Variants in SNX14 observed in about 807,000 individuals in gnomAD.
SNX14 encodes the protein sorting nexin 14, also known as sorting nexin-14.
Under a neutral mutation model 133.8 loss-of-function variants are expected in SNX14, and 93 were observed. The ratio of observed to expected loss-of-function variants is 0.70; its 90% CI spans 0.59 to 0.83. The LOEUF is 0.83. Ranked by LOEUF, SNX14 falls within the 40% of genes least tolerant of loss-of-function variation. SNX14 has a pLI of 0.00. For missense variants in SNX14, 945 were observed against 1,094.9 expected, an observed-to-expected ratio of 0.86 and a Z score of 1.93; for synonymous variants, 368 against 365.6, an observed-to-expected ratio of 1.01 and a Z score of -0.07.
At chr6:85,507,494 T>C (rs1462305689) in intron 27 of SNX14, among the ~76,000 whole-genome samples, 1 of 152,164 alleles carries the variant, frequency 6.6e-6, no homozygotes, top group Non-Finnish European at 1.5e-5. Context: ...ACACATGTGT[T>C]TGCATGAGGA....
At chr6:85,566,701 G>T (rs1446355762) in intron 5 of SNX14, among the ~76,000 whole-genome samples, 1 of 138,822 alleles carries the variant, frequency 7.2e-6, no homozygotes, top group African/African-American at 2.7e-5. Context: ...CCATCTCAAA[G>T]AAAAAAAAAA....
chr6:85,563,103 A>AT (rs1237321307), intron 6 of SNX14, among the ~76,000 whole-genome samples: 1 of 152,088 alleles, frequency 6.6e-6, no homozygotes, highest in East Asian at 1.9e-4. Context: ...TTCATTGGCC[A>AT]TTTTGTATCT....
At chr6:85,589,791 C>T (rs1802241023) in intron 1 of SNX14, 1 of 152,242 alleles carries the variant, frequency 6.6e-6, no homozygotes, top group Non-Finnish European at 1.5e-5. Flanking sequence ...AGTCTGATGG[C>T]TTTTACGGCT....
chr6:85,510,905 C>G (rs916314612), intron 26 of SNX14, among the ~76,000 whole-genome samples: 2 of 152,190 alleles, frequency 1.3e-5, no homozygotes, highest in Non-Finnish European at 2.9e-5. Flanking sequence ...GTTGGCTATT[C>G]TGGGTCTTTT....
At chr6:85,532,074 T>G (rs985377411) in intron 18 of SNX14, among the ~76,000 whole-genome samples, 13 of 152,210 alleles carry the variant, frequency 8.5e-5, no homozygotes, top group African/African-American at 2.9e-4. Flanking sequence ...AGTTTTAAGA[T>G]TTTTTGGTTT....
At position 85,546,729 on chromosome 6, in the gene SNX14, G is replaced by A. The variant is rs545329623; in HGVS notation, c.1108+383C>T. On this transcript the variant is annotated intron_variant, in intron 12 of 28. Coordinates refer to ENST00000314673, the MANE Select transcript of SNX14 (RefSeq NM_153816.6). ...TGTAACCCCAGCACTTTGGGAGGCC[G>A]AGGTGGGTGGATCACCTGAGGTCGG... Among the ~76,000 whole-genome samples, 5 of 152,170 alleles carry A rather than the reference G, an allele frequency of 3.3e-5. No homozygotes were observed. In the East Asian group the frequency reaches 5.8e-4, roughly 18 times the overall value.
chr6:85,542,192 G>A, intron 14 of SNX14, 149 bp from the exon 15 acceptor site: 1 of 524,378 alleles, frequency 1.9e-6, no homozygotes. Context: ...GGGTAAGGAT[G>A]AAAATATTGC....
In SNX14 at chr6:85,543,311, T is replaced by TA. The variant is rs771789268; in HGVS notation, c.1265-6dup. On this transcript the variant is annotated splice_region_variant and splice_polypyrimidine_tract_variant and intron_variant, in intron 13 of 28. Transcript: ENST00000314673. ...CTATGTATGGGCCTTCAGCAACTATTAAAAAAATTCTACTGTAGAAATTAT... is the reference window on the plus strand; with the variant it reads ...CTATGTATGGGCCTTCAGCAACTATTAAAAAAAATTCTACTGTAGAAATTAT... 3.9e-6 allele frequency: 6 copies of TA among 1,557,822 alleles called. No homozygotes were observed. Among genetic ancestry groups the TA allele is most frequent in the African/African-American group, 1.4e-5 (1 of 71,760 alleles).
intron 1 of SNX14, among the ~76,000 whole-genome samples, chr6:85,590,609 A>G (rs1802482323): frequency 6.6e-6 from 1 of 152,184 alleles, no homozygotes; most frequent in Non-Finnish European, 1.5e-5. Context: ...TCTTCCTAAA[A>G]TTATCAAACT....
intron 15 of SNX14, among the ~76,000 whole-genome samples, chr6:85,540,128 AT>A (rs1399620739): frequency 6.6e-6 from 1 of 151,820 alleles, no homozygotes; most frequent in East Asian, 1.9e-4. Context: ...CACTTGACTA[AT>A]TTTTGTATTT....
intron 4 of SNX14, among the ~76,000 whole-genome samples, chr6:85,571,904 C>T (rs777789274): frequency 2.0e-5 from 3 of 152,140 alleles, no homozygotes; most frequent in Non-Finnish European, 4.4e-5. Context: ...ATGACTGTTT[C>T]GGGTAAACCA....
At chr6:85,579,026 T>G (rs1464586501) in intron 1 of SNX14, among the ~76,000 whole-genome samples, 1 of 151,860 alleles carries the variant, frequency 6.6e-6, no homozygotes, top group Non-Finnish European at 1.5e-5. Context: ...TAATCCCAGC[T>G]ACTCAGGAGG....
In SNX14 at chr6:85,573,348, C is replaced by T. The variant is rs6934657; in HGVS notation, c.261+910G>A. Among the ~76,000 whole-genome samples, 8 of 152,066 alleles carry T rather than the reference C, an allele frequency of 5.3e-5. No homozygotes were observed. In the South Asian group the frequency reaches 1.0e-3, roughly 20 times the overall value. On this transcript the variant is annotated intron_variant, in intron 2 of 28. Coordinates refer to ENST00000314673, the MANE Select transcript of SNX14 (RefSeq NM_153816.6). The stretch of plus-strand genomic sequence containing the variant: ...TACAAAAATTAGCTGGGCCTGGTGG[C>T]GTGTGCCTGTAATCTCAGTTACATG...
intron 4 of SNX14, 147 bp downstream of exon 4, chr6:85,571,990 T>G (rs1452070115): frequency 4.9e-6 from 3 of 609,244 alleles, no homozygotes; most frequent in Admixed American, 3.3e-5. Context: ...TCAAGTTGTT[T>G]AGTCTGCAAT....
rs767607004 is a variant in SNX14, at chr6:85,513,817, A to G, written c.2636T>C (p.Met879Thr). Residue 879 changes from methionine to threonine, a missense_variant, in exon 26 of 29, where the codon ATG (methionine) becomes ACG (threonine). Around this residue, in one of 3 missense-constraint regions of SNX14, gnomAD observed 412 missense variants for 516.6 expected, o/e 0.80. Transcript: ENST00000314673. ...QKGAKQTFEE[M>T]MNYIPDLLVK... ...TATTACACCTGGAATGTAATTCATC[A>G]TTTCTTCAAAAGTCTGTTTTGCTCC... The G allele has an allele frequency of 6.9e-5, 111 of 1,611,366 alleles. No individual in the cohort carries two copies. The highest frequency in any genetic ancestry group is 2.4e-4 in the South Asian group (22 of 90,780).
At chr6:85,592,575 C>A (rs1803138963) in intron 1 of SNX14, among the ~76,000 whole-genome samples, 1 of 152,180 alleles carries the variant, frequency 6.6e-6, no homozygotes, top group African/African-American at 2.4e-5. Flanking sequence ...TGAAGTAAAA[C>A]AAGTTTATTT....
At chr6:85,557,079 T>A (rs28718038) in intron 7 of SNX14, among the ~76,000 whole-genome samples, 1 of 152,174 alleles carries the variant, frequency 6.6e-6, no homozygotes. Flanking sequence ...CTCCTACCTA[T>A]GGGAATTTCT....
intron 6 of SNX14, among the ~76,000 whole-genome samples, chr6:85,564,229 CAT>C (rs1392540439): frequency 1.3e-5 from 2 of 152,222 alleles, no homozygotes; most frequent in African/African-American, 4.8e-5. Context: ...CCGCAATAAA[CAT>C]ATGTGTGCAT....
chr6:85,543,576 A>ATAT (rs1333783004), intron 13 of SNX14, 29 bp downstream of exon 13: 1 of 1,531,712 alleles, frequency 6.5e-7, no homozygotes, highest in Non-Finnish European at 8.9e-7. Flanking sequence ...AGAGTGCTAA[A>ATAT]TAAGTCATTC....
Sources: allele counts gnomAD v4.1 joint callset (sites outside exome capture counted in the v4.1 genomes callset), GRCh38; gene constraint gnomAD v4.1.1; regional missense constraint gnomAD v4.1.1; transcripts MANE v1.5; gene names NCBI Gene and HGNC (gene_info 2026-07-23, HGNC 2026-07-21).